Variants in EYS observed in about 807,000 individuals in gnomAD.
EYS encodes the protein EGF-like photoreceptor maintenance factor.
Under a neutral mutation model 282.1 loss-of-function variants are expected in EYS, and 250 were observed. The observed-to-expected ratio is 0.89, with a 90% CI of 0.80 to 0.98. The LOEUF is 0.98. Among genes scored for constraint, EYS ranks in the 50% least tolerant of loss-of-function variants. EYS has a pLI of 0.00. For missense variants in EYS, 4,016 were observed against 3,709.0 expected, an observed-to-expected ratio of 1.08 and a Z score of -2.15; for synonymous variants, 1,355 against 1,282.9, an observed-to-expected ratio of 1.06 and a Z score of -1.20.
intron 16 of EYS, among the ~76,000 whole-genome samples, chr6:64,905,774 C>A (rs982196247): frequency 6.6e-5 from 10 of 151,954 alleles, no homozygotes; most frequent in African/African-American, 2.4e-5. Flanking sequence ...TCATAAAAAT[C>A]ATTTTACATA....
At chr6:64,336,517 A>C (rs1770855523) in intron 29 of EYS, among the ~76,000 whole-genome samples, 1 of 152,158 alleles carries the variant, frequency 6.6e-6, no homozygotes, top group Admixed American at 6.6e-5. Flanking sequence ...ACAGCAACAC[A>C]ATAATTGTGG....
intron 26 of EYS, among the ~76,000 whole-genome samples, chr6:64,541,218 C>G (rs1456064482): frequency 6.6e-6 from 1 of 152,138 alleles, no homozygotes; most frequent in Non-Finnish European, 1.5e-5. Flanking sequence ...CTGGAGGGGT[C>G]CGGCCAGGCC....
chr6:64,641,683 G>C (rs1488735202), intron 22 of EYS, among the ~76,000 whole-genome samples: 1 of 152,082 alleles, frequency 6.6e-6, no homozygotes, highest in Non-Finnish European at 1.5e-5. Flanking sequence ...CCCAGGCTGG[G>C]GACTGGTACA....
At chr6:65,035,718 A>C (rs1309893592) in intron 13 of EYS, among the ~76,000 whole-genome samples, 1 of 151,838 alleles carries the variant, frequency 6.6e-6, no homozygotes, top group Non-Finnish European at 1.5e-5. Context: ...ATGCTCATGA[A>C]TTGGAAGAAT....
intron 22 of EYS, among the ~76,000 whole-genome samples, chr6:64,666,143 G>A (rs915617494): frequency 6.6e-6 from 1 of 152,168 alleles, no homozygotes; most frequent in Admixed American, 6.5e-5. Flanking sequence ...ATCGAGGACT[G>A]AGCTTAATAC....
intron 35 of EYS, among the ~76,000 whole-genome samples, chr6:63,930,751 A>G (rs1427607272): frequency 6.6e-6 from 1 of 152,136 alleles, no homozygotes. Flanking sequence ...GACCCCTCCA[A>G]TACTGCAGGA....
intron 22 of EYS, among the ~76,000 whole-genome samples, chr6:64,802,036 T>TTTTTTTC (rs1764256444): frequency 7.8e-6 from 1 of 127,418 alleles, no homozygotes; most frequent in African/African-American, 3.0e-5. Flanking sequence ...TTTTTTTCTT[T>TTTTTTTC]TTTTTTTTTT....
chr6:64,274,881 A>G (rs1768059849), intron 30 of EYS, among the ~76,000 whole-genome samples: 1 of 152,226 alleles, frequency 6.6e-6, no homozygotes, highest in Non-Finnish European at 1.5e-5. Context: ...AAATGAAAAA[A>G]AAAAAGTTTG....
At chr6:64,120,604 C>T (rs1194761353) in intron 31 of EYS, among the ~76,000 whole-genome samples, 1 of 149,404 alleles carries the variant, frequency 6.7e-6, no homozygotes, top group Admixed American at 6.6e-5. Context: ...TCTTTAAGCC[C>T]CTGAATATAA....
intron 31 of EYS, among the ~76,000 whole-genome samples, chr6:64,215,120 CT>C (rs1765891469): frequency 6.6e-6 from 1 of 151,748 alleles, no homozygotes; most frequent in African/African-American, 2.4e-5. Flanking sequence ...GGTTGAGTTG[CT>C]TGAATTTCTT....
At position 64,897,757 on chromosome 6, in the gene EYS, A is replaced by AT. The variant is rs369852813; in HGVS notation, c.2846+4355dup. On this transcript the variant is annotated intron_variant, in intron 18 of 42. Transcript: ENST00000503581. ...TAGAATAACCAGTTTAGAGAAGAAC[A>AT]TAAATGACCTGATGGAGCTGAAAGC... Among the ~76,000 whole-genome samples the AT allele has an allele frequency of 1.9e-3, 285 of 152,342 alleles. 1 individual carries two copies. The highest frequency in any genetic ancestry group is 6.6e-3 in the African/African-American group (273 of 41,600).
chr6:64,617,292 GAGA>G lies in EYS; in HGVS notation c.3684+123_3684+125del, dbSNP rs375064457. 319 of 675,774 alleles carry G rather than the reference GAGA, an allele frequency of 4.7e-4. 2 individuals are homozygous for G. The East Asian group carries it at 6.3e-3, about 13-fold the overall frequency. The allele number at this position is 675,774 out of a possible 1,614,324, so 41.9% of individuals were successfully genotyped here. A position where few individuals can be genotyped will look rare whatever the true frequency, so the allele number is the denominator to read the frequency against. Reference sequence around the variant, plus strand: ...TGCCGAGAAAAGTGTAGCGTGCACAGAGAAGGAGAGATGCGCTGAAGATTAACT... The same window carrying G: ...TGCCGAGAAAAGTGTAGCGTGCACAGAGGAGAGATGCGCTGAAGATTAACT... On this transcript the variant is annotated intron_variant, in intron 24 of 42. Transcript: ENST00000503581.
At chr6:64,895,865 A>G (rs907478805) in intron 18 of EYS, among the ~76,000 whole-genome samples, 1 of 152,160 alleles carries the variant, frequency 6.6e-6, no homozygotes, top group African/African-American at 2.4e-5. Context: ...CATAATCTTA[A>G]TTATTTTAAA....
chr6:63,753,863 T>A (rs1402099880), intron 41 of EYS, among the ~76,000 whole-genome samples: 1 of 152,200 alleles, frequency 6.6e-6, no homozygotes, highest in Non-Finnish European at 1.5e-5. Context: ...AGTCCACCCT[T>A]CCATTCCTCC....
chr6:64,609,471 G>A (rs1767039917), intron 24 of EYS, among the ~76,000 whole-genome samples: 1 of 152,160 alleles, frequency 6.6e-6, no homozygotes, highest in Non-Finnish European at 1.5e-5. Flanking sequence ...GAGGAAGTGA[G>A]GCTAGAGAAG....
intron 22 of EYS, among the ~76,000 whole-genome samples, chr6:64,686,914 C>CAT (rs1407290212): frequency 9.2e-6 from 1 of 108,948 alleles, no homozygotes; most frequent in African/African-American, 3.3e-5. Flanking sequence ...TATATATACA[C>CAT]ACATATATAT....
chr6:64,625,427 A>G (rs1582967173), intron 23 of EYS, among the ~76,000 whole-genome samples: 1 of 152,164 alleles, frequency 6.6e-6, no homozygotes, highest in African/African-American at 2.4e-5. Flanking sequence ...GGGTACAAGA[A>G]CAAGTTGATG....
intron 31 of EYS, among the ~76,000 whole-genome samples, chr6:64,185,595 G>A (rs1764912633): frequency 6.6e-6 from 1 of 152,084 alleles, no homozygotes; most frequent in Non-Finnish European, 1.5e-5. Flanking sequence ...GTGAAGACTT[G>A]GAAGTTTATA....
chr6:64,674,095 T>C (rs1343538770), intron 22 of EYS, among the ~76,000 whole-genome samples: 1 of 152,074 alleles, frequency 6.6e-6, no homozygotes, highest in Non-Finnish European at 1.5e-5. Flanking sequence ...CAGAGAAATG[T>C]CCTATAAAAG....
Sources: gnomAD v4.1 joint callset for allele counts (sites outside exome capture counted in the v4.1 genomes callset) on GRCh38, gnomAD v4.1.1 for gene constraint, MANE v1.5 for transcripts, NCBI Gene and HGNC (gene_info 2026-07-23, HGNC 2026-07-21) for gene names.